The following FAT3 variants were observed in gnomAD, a reference collection of about 807,000 sequenced individuals.
The protein encoded by FAT3 is FAT atypical cadherin 3.
Under a neutral mutation model 310.2 loss-of-function variants are expected in FAT3, and 95 were observed. The ratio of observed to expected loss-of-function variants is 0.31; its 90% CI spans 0.26 to 0.36. The LOEUF is 0.36. Ranked by LOEUF, FAT3 falls within the 10% of genes least tolerant of loss-of-function variation. The pLI, the probability that FAT3 is intolerant of heterozygous loss-of-function variation, is 1.00. For missense variants in FAT3, 5,408 were observed against 5,715.6 expected (o/e 0.95, Z 1.74); for synonymous variants, 2,314 against 2,192.9 (o/e 1.06, Z -1.54).
At chr11:92,229,415 T>C (rs1275953307) in intron 1 of FAT3, among the ~76,000 whole-genome samples, 2 of 151,870 alleles carry the variant, frequency 1.3e-5, no homozygotes, top group African/African-American at 4.8e-5. Flanking sequence ...ACTTACTGAG[T>C]TTTCTGTCAA....
chr11:92,445,336 T>C (rs571261187), intron 2 of FAT3, among the ~76,000 whole-genome samples: 1 of 152,220 alleles, frequency 6.6e-6, no homozygotes, highest in Admixed American at 6.6e-5. Flanking sequence ...TCATGATCTC[T>C]GGGGATGGGG....
intron 3 of FAT3, among the ~76,000 whole-genome samples, chr11:92,597,023 G>T (rs1253323024): frequency 6.6e-6 from 1 of 151,884 alleles, no homozygotes; most frequent in Non-Finnish European, 1.5e-5. Context: ...CCATATCCCT[G>T]TCTCATTGTA....
At chr11:92,233,445 C>T (rs537539991) in intron 1 of FAT3, among the ~76,000 whole-genome samples, 4 of 152,162 alleles carry the variant, frequency 2.6e-5, no homozygotes, top group Non-Finnish European at 5.9e-5. Flanking sequence ...TCATTGTTGG[C>T]AAAGTATACT....
chr11:92,476,628 C>G (rs568914164), intron 2 of FAT3, among the ~76,000 whole-genome samples: 1 of 152,248 alleles, frequency 6.6e-6, no homozygotes, highest in Non-Finnish European at 1.5e-5. Flanking sequence ...TTATCAAAAC[C>G]TAATAAATGG....
At chr11:92,793,002 T>A (rs752059215) in intron 9 of FAT3, 25 bp downstream of exon 9, 2 of 1,608,838 alleles carry the variant, frequency 1.2e-6, no homozygotes, top group East Asian at 4.5e-5. Flanking sequence ...ACTGCACAGA[T>A]TTCAGCATAA....
chr11:92,853,489 T>C (rs1948887173), intron 19 of FAT3, among the ~76,000 whole-genome samples: 2 of 152,184 alleles, frequency 1.3e-5, no homozygotes, highest in Non-Finnish European at 2.9e-5. Context: ...GGAGGTGTTT[T>C]TCAGCCCTGT....
chr11:92,506,919 A>G (rs1215138373), intron 2 of FAT3, among the ~76,000 whole-genome samples: 5 of 152,222 alleles, frequency 3.3e-5, no homozygotes, highest in Non-Finnish European at 7.3e-5. Flanking sequence ...CAACAGGCTA[A>G]TATTAAAAAC....
intron 1 of FAT3, among the ~76,000 whole-genome samples, chr11:92,341,047 C>T (rs1591135367): frequency 6.6e-6 from 1 of 152,114 alleles, no homozygotes; most frequent in Admixed American, 6.5e-5. Flanking sequence ...AAGGGCTGGG[C>T]GATGTCACAT....
At chr11:92,289,977 C>T (rs1321247982) in intron 1 of FAT3, among the ~76,000 whole-genome samples, 1 of 152,018 alleles carries the variant, frequency 6.6e-6, no homozygotes, top group African/African-American at 2.4e-5. Flanking sequence ...TATTTTTTAC[C>T]ATTCTCTACT....
chr11:92,716,940 A>G (rs1392033085), intron 4 of FAT3, among the ~76,000 whole-genome samples: 2 of 152,198 alleles, frequency 1.3e-5, no homozygotes, highest in Non-Finnish European at 2.9e-5. Flanking sequence ...GGCTGGGTGT[A>G]GGTTCAGGCA....
In FAT3 at chr11:92,882,909, G is replaced by A. The variant is rs773625997; in HGVS notation, c.12453G>A (p.Gly4151=). The A allele has an allele frequency of 1.9e-6, 3 of 1,612,924 alleles. No individual in the cohort carries two copies. Among genetic ancestry groups the A allele is most frequent in the South Asian group, 1.1e-5 (1 of 90,748 alleles). The part of the protein sequence containing the change: ...PNIQAGHSYV[G]KEELIGIAVV... Reference sequence around the variant, plus strand: ...TCCAGGCTGGCCACTCCTACGTGGGGAAGGAGGAGCTCATCGGCATCGCCG... The same window carrying A: ...TCCAGGCTGGCCACTCCTACGTGGGAAAGGAGGAGCTCATCGGCATCGCCG... Residue 4151 remains glycine (G), a synonymous_variant, in exon 24 of 28, where the codon GGG becomes GGA. Coordinates refer to ENST00000525166, the MANE Select transcript of FAT3 (RefSeq NM_001367949.2).
In FAT3 at chr11:92,675,981, T is replaced by C. The variant is rs1056975885; in HGVS notation, c.3608-21403T>C. 3.9e-5 allele frequency among the ~76,000 whole-genome samples: 6 copies of C among 152,244 alleles called. No homozygotes were observed. In the Middle Eastern group the frequency reaches 0.01, roughly 259 times the overall value. Reference sequence around the variant, plus strand: ...TGGTCTTTTGTTTTCATCCTGAGACTGTTGACAGGAGCAACCTTCTGTGAG... The same window carrying C: ...TGGTCTTTTGTTTTCATCCTGAGACCGTTGACAGGAGCAACCTTCTGTGAG... On this transcript the variant is annotated intron_variant, in intron 3 of 27. Transcript: ENST00000525166.
chr11:92,350,078 G>A (rs1283353916), intron 1 of FAT3, among the ~76,000 whole-genome samples: 4 of 151,934 alleles, frequency 2.6e-5, no homozygotes, highest in Admixed American at 1.3e-4. Context: ...AATTTAGACA[G>A]TTTCCACAGT....
chr11:92,753,798 G>GTGTGTGTGTGTATATATATATATA lies in FAT3; in HGVS notation c.3670-8057_3670-8056insGTGTGTGTGTATATATATATATAT. On this transcript the variant is annotated intron_variant, in intron 4 of 27. Transcript: ENST00000525166. Reference sequence around the variant, plus strand: ...GGTGTGTGTGTGTGTGTGTGTGTGTGTATATATATATGGTGGAATACTACT... The same window carrying GTGTGTGTGTGTATATATATATATA: ...GGTGTGTGTGTGTGTGTGTGTGTGTGTGTGTGTGTGTATATATATATATATATATATATATGGTGGAATACTACT... Among the ~76,000 whole-genome samples the GTGTGTGTGTGTATATATATATATA allele has an allele frequency of 5.0e-5, 6 of 119,178 alleles. No individual in the cohort carries two copies. The East Asian group carries it at 1.4e-3, about 27-fold the overall frequency. The allele number at this position is 119,178 out of a possible 152,430, so 78.2% of individuals were successfully genotyped here.
chr11:92,691,210 A>G (rs1820582347), intron 3 of FAT3, among the ~76,000 whole-genome samples: 1 of 152,138 alleles, frequency 6.6e-6, no homozygotes, highest in African/African-American at 2.4e-5. Context: ...AGATGAAGAA[A>G]CTGAGGCCTA....
At chr11:92,455,616 A>T (rs1231811835) in intron 2 of FAT3, among the ~76,000 whole-genome samples, 1 of 152,128 alleles carries the variant, frequency 6.6e-6, no homozygotes, top group Non-Finnish European at 1.5e-5. Context: ...GGTCTTTTTC[A>T]TGGGGCTGCT....
intron 22 of FAT3, among the ~76,000 whole-genome samples, chr11:92,875,853 G>T (rs998529079): frequency 6.6e-6 from 1 of 152,186 alleles, no homozygotes; most frequent in African/African-American, 2.4e-5. Context: ...GCAAAATTCA[G>T]AAGGAACTGT....
At chr11:92,365,359 C>A (rs770884857) in intron 2 of FAT3, among the ~76,000 whole-genome samples, 16 of 152,140 alleles carry the variant, frequency 1.1e-4, no homozygotes, top group Non-Finnish European at 2.2e-4. Context: ...AAAAAACAGA[C>A]TTTGTAGTTA....
intron 7 of FAT3, among the ~76,000 whole-genome samples, chr11:92,789,330 TTGTC>T (rs1003212019): frequency 2.0e-5 from 3 of 152,212 alleles, no homozygotes; most frequent in African/African-American, 4.8e-5. Context: ...TATTTTATAT[TTGTC>T]TGAAAATTTA....
Sources: gnomAD v4.1 joint callset for allele counts (sites outside exome capture counted in the v4.1 genomes callset) on GRCh38, gnomAD v4.1.1 for gene constraint, MANE v1.5 for transcripts, NCBI Gene and HGNC (gene_info 2026-07-23, HGNC 2026-07-21) for gene names.